Variants in TMCO1 observed in about 807,000 individuals in gnomAD.
The protein encoded by TMCO1 is calcium load-activated calcium channel.
In TMCO1, 29 loss-of-function variants were observed where a neutral mutation model predicts 29.3. That is an observed-to-expected ratio of 0.99 (90% CI 0.74 to 1.35). The LOEUF (loss-of-function observed/expected upper bound fraction) is 1.35. Ranked by LOEUF, TMCO1 falls within the 40% of genes most tolerant of loss-of-function variation. The probability of loss-of-function intolerance (pLI) is 0.00; values close to 1 mark genes in which losing one functional copy is unlikely to be tolerated. For missense variants in TMCO1, 173 were observed against 225.5 expected (o/e 0.77, Z 1.49); for synonymous variants, 80 against 77.1 (o/e 1.04, Z -0.20).
chr1:165,728,082 C>T lies in TMCO1; in HGVS notation c.508G>A (p.Ala170Thr), dbSNP rs150796970. 1,356 of 1,608,120 alleles carry T rather than the reference C, an allele frequency of 8.4e-4. 3 individuals are homozygous for T. Among genetic ancestry groups the T allele is most frequent in the Non-Finnish European group, 1.1e-3 (1,252 of 1,176,170 alleles). ...AGAAATCCACCTGCCTGCTTGGTGG[C>T]GGCTCGTGAAGGGGCAAGGCCGAGA... ...KILGLAPSRA[A>T]TKQAGGFLGP... is the part of the protein sequence containing the mutation. Residue 170 changes from alanine to threonine, a missense_variant, in exon 7 of 7, where the codon GCC becomes ACC. Coordinates refer to ENST00000367881, the MANE Select transcript of TMCO1 (RefSeq NM_019026.6).
In TMCO1 at chr1:165,727,035, A is replaced by G. The variant is rs1454306124; in HGVS notation, c.*988T>C. The G allele has an allele frequency of 4.4e-6, 2 of 454,108 alleles. No homozygotes were observed. The highest frequency in any genetic ancestry group is 1.6e-5 in the South Asian group (1 of 64,474). The allele number at this position is 454,108 out of a possible 1,614,324, so 28.1% of individuals were successfully genotyped here. A position where few individuals can be genotyped will look rare whatever the true frequency, so the allele number is the denominator to read the frequency against. ...ATTTGATGAATGTGCATATTTATTG[A>G]TAAGACTCCACACAGGACTCCTAAT... On this transcript the variant is annotated 3_prime_UTR_variant, in exon 7 of 7. Coordinates refer to ENST00000367881, the MANE Select transcript of TMCO1 (RefSeq NM_019026.6).
chr1:165,726,208 A>T, downstream of TMCO1: 1 of 699,554 alleles, frequency 1.4e-6, no homozygotes, highest in South Asian at 1.5e-5. Context: ...AATGATATGG[A>T]GAAAAGACCA....
chr1:165,747,267 C>CAA lies in TMCO1; in HGVS notation c.324-3958_324-3957dup, dbSNP rs137894882. On this transcript the variant is annotated intron_variant, in intron 5 of 6. Coordinates refer to ENST00000367881, the MANE Select transcript of TMCO1 (RefSeq NM_019026.6). ...CAGAGAACAGTGTGAGGCTCTGTCT[C>CAA]AAAAAAAAAAAAAAAAAAAAAAAAA... is the stretch of plus-strand genomic sequence containing the variant. Among the ~76,000 whole-genome samples the CAA allele has an allele frequency of 7.8e-3, 636 of 81,898 alleles. 34 individuals carry two copies. Among genetic ancestry groups the CAA allele is most frequent in the East Asian group, 0.035 (98 of 2,834 alleles). The allele number at this position is 81,898 out of a possible 152,430, so 53.7% of individuals were successfully genotyped here. A position where few individuals can be genotyped will look rare whatever the true frequency, so the allele number is the denominator to read the frequency against.
At chr1:165,757,518 C>T (rs113799995) in intron 3 of TMCO1, among the ~76,000 whole-genome samples, 2 of 151,942 alleles carry the variant, frequency 1.3e-5, no homozygotes, top group African/African-American at 4.8e-5. Flanking sequence ...TTTTTTGCGA[C>T]AAAGTTTTGC....
At chr1:165,735,512 T>G (rs1348690137) in intron 6 of TMCO1, among the ~76,000 whole-genome samples, 1 of 2,122 alleles carries the variant, frequency 4.7e-4, no homozygotes, top group South Asian at 0.042. Flanking sequence ...CTCTGCTTAA[T>G]TTTTTTTTTT....
downstream of TMCO1, chr1:165,725,978 A>G (rs1248523765): frequency 4.4e-6 from 3 of 678,012 alleles, no homozygotes; most frequent in South Asian, 4.5e-5. Context: ...TTTGTATATG[A>G]AAACCTGGTC....
At chr1:165,734,562 G>A (rs566114903) in intron 6 of TMCO1, among the ~76,000 whole-genome samples, 2 of 152,070 alleles carry the variant, frequency 1.3e-5, no homozygotes, top group South Asian at 2.1e-4. Flanking sequence ...GGAGTGCAGT[G>A]GTGTGATCTC....
chr1:165,758,768 T>C (rs1216846130), intron 3 of TMCO1, among the ~76,000 whole-genome samples: 1 of 152,166 alleles, frequency 6.6e-6, no homozygotes, highest in Non-Finnish European at 1.5e-5. Context: ...CTCATAGAAT[T>C]AAGTGAACAG....
In TMCO1 at chr1:165,745,296, T is replaced by A. The variant is rs1335120713; in HGVS notation, c.324-1985A>T. ...CCTCAGCCTCCCAAATTGCTGGGAT[T>A]ATAGGAATGAGCCACCACTCTTGGC... On this transcript the variant is annotated intron_variant, in intron 5 of 6. Transcript: ENST00000367881. 2.0e-5 allele frequency among the ~76,000 whole-genome samples: 3 copies of A among 150,030 alleles called. No individual in the cohort carries two copies. In the East Asian group the frequency reaches 6.0e-4, roughly 30 times the overall value.
In TMCO1 at chr1:165,727,979, G is replaced by A; in HGVS notation, c.*44C>T. ...TACAAAACAGTTGCCAGTCTGATGT[G>A]TGTGTGTCTAGAAAGAATGATAGAA... On this transcript the variant is annotated 3_prime_UTR_variant, in exon 7 of 7. Transcript: ENST00000367881. The A allele has an allele frequency of 6.9e-7, 1 of 1,442,246 alleles. No individual in the cohort carries two copies. Among genetic ancestry groups the A allele is most frequent in the South Asian group, 1.1e-5 (1 of 87,548 alleles). 89.3% of individuals were successfully genotyped at this position (1,442,246 alleles called of 1,614,324 possible). A position where few individuals can be genotyped will look rare whatever the true frequency, so the allele number is the denominator to read the frequency against.
At chr1:165,754,144 G>A in intron 4 of TMCO1, 84 bp downstream of exon 4, 1 of 1,149,806 alleles carries the variant, frequency 8.7e-7, no homozygotes, top group Non-Finnish European at 1.3e-6. Flanking sequence ...TTCTGAAAAG[G>A]TGAGTGCAAT....
In TMCO1 at chr1:165,727,944, T is replaced by C; in HGVS notation, c.*79A>G. 9.1e-7 allele frequency: 1 copy of C among 1,098,718 alleles called. No homozygotes were observed. Among genetic ancestry groups the C allele is most frequent in the African/African-American group, 1.6e-5 (1 of 64,226 alleles). 68.1% of individuals were successfully genotyped at this position (1,098,718 alleles called of 1,614,324 possible). On this transcript the variant is annotated 3_prime_UTR_variant, in exon 7 of 7. Coordinates refer to ENST00000367881, the MANE Select transcript of TMCO1 (RefSeq NM_019026.6). ...GAGGCCCAAGTAGTAAGGCTACCTA[T>C]GGCTCTTGCTACAAAACAGTTGCCA...
intron 3 of TMCO1, among the ~76,000 whole-genome samples, chr1:165,756,626 G>C (rs1301784230): frequency 6.6e-6 from 1 of 151,956 alleles, no homozygotes; most frequent in Non-Finnish European, 1.5e-5. Context: ...CAGTTAAAAA[G>C]CAAAGGACGC....
chr1:165,726,192 G>T, downstream of TMCO1: 1 of 698,544 alleles, frequency 1.4e-6, no homozygotes, highest in Non-Finnish European at 2.6e-6. Flanking sequence ...TTTGCTTAGA[G>T]TGGTCAATGA....
chr1:165,730,851 C>A (rs763943974), intron 6 of TMCO1, among the ~76,000 whole-genome samples: 31 of 152,118 alleles, frequency 2.0e-4, no homozygotes, highest in African/African-American at 6.7e-4. Flanking sequence ...ACCTCAGCCT[C>A]CCAGGTGCTG....
intron 3 of TMCO1, among the ~76,000 whole-genome samples, chr1:165,755,704 T>C (rs1168189158): frequency 6.6e-6 from 1 of 152,112 alleles, no homozygotes; most frequent in Non-Finnish European, 1.5e-5. Context: ...AAGAGATACT[T>C]ATCCCACTCA....
downstream of TMCO1, chr1:165,726,103 T>C: frequency 1.4e-6 from 1 of 697,252 alleles, no homozygotes; most frequent in African/African-American, 1.7e-5. Flanking sequence ...GATGGTTTCA[T>C]GTTTTATTTT....
chr1:165,726,544 C>G (rs1387400806), downstream of TMCO1: 2 of 476,864 alleles, frequency 4.2e-6, no homozygotes, highest in Non-Finnish European at 8.3e-6. Context: ...TGATGCAGAG[C>G]AAGTTACTAA....
At chr1:165,768,148 A>G (rs1366002677) in intron 2 of TMCO1, 44 bp downstream of exon 2, 1 of 1,461,190 alleles carries the variant, frequency 6.8e-7, no homozygotes, top group Non-Finnish European at 9.6e-7. Context: ...GGACTTAATG[A>G]GCTTGACGTG....
Sources: gnomAD v4.1 joint callset for allele counts (sites outside exome capture counted in the v4.1 genomes callset) on GRCh38, gnomAD v4.1.1 for gene constraint, MANE v1.5 for transcripts, NCBI Gene and HGNC (gene_info 2026-07-23, HGNC 2026-07-21) for gene names.